The following UBE2D2 variants were observed in gnomAD, a reference collection of about 807,000 sequenced individuals.
The protein encoded by UBE2D2 is ubiquitin-conjugating enzyme E2 D2.
UBE2D2 carries 2 observed loss-of-function variants against 24.2 expected under a neutral mutation model. That is an observed-to-expected ratio of 0.08 (90% CI 0.03 to 0.26). The LOEUF is 0.26. Ranked by LOEUF, UBE2D2 falls within the 10% of genes least tolerant of loss-of-function variation. UBE2D2 has a pLI of 1.00. For missense variants in UBE2D2, 44 were observed against 177.6 expected, an observed-to-expected ratio of 0.25 and a Z score of 4.28; for synonymous variants, 58 against 56.5, an observed-to-expected ratio of 1.03 and a Z score of -0.12.
At chr5:139,617,755 GCC>G (rs1754445531) in intron 5 of UBE2D2, among the ~76,000 whole-genome samples, 1 of 151,918 alleles carries the variant, frequency 6.6e-6, no homozygotes, top group Non-Finnish European at 1.5e-5. Flanking sequence ...AGACACATTG[GCC>G]CCTGTATTCC....
chr5:139,549,262 G>A (rs1281583167), intron 1 of UBE2D2, among the ~76,000 whole-genome samples: 1 of 152,182 alleles, frequency 6.6e-6, no homozygotes, highest in South Asian at 2.1e-4. Flanking sequence ...GAGCCCTTCA[G>A]CCCGCCGCTG....
chr5:139,622,495 C>T (rs568845058), intron 5 of UBE2D2, among the ~76,000 whole-genome samples: 69 of 150,840 alleles, frequency 4.6e-4, no homozygotes, highest in African/African-American at 1.6e-3. Context: ...CACCCCCCTC[C>T]GCCTCCCAAA....
chr5:139,576,826 C>G (rs1411737913), intron 1 of UBE2D2, among the ~76,000 whole-genome samples: 1 of 151,758 alleles, frequency 6.6e-6, no homozygotes, highest in Non-Finnish European at 1.5e-5. Context: ...TGTTAATAGT[C>G]TCTCATGTCT....
At position 139,566,396 on chromosome 5, in the gene UBE2D2, ATGCACAG is replaced by A. The variant is rs764926927; in HGVS notation, c.24+4584_24+4590del. Among the ~76,000 whole-genome samples, 828 of 150,530 alleles carry A rather than the reference ATGCACAG, an allele frequency of 5.5e-3. 9 individuals carry two copies. The highest frequency in any genetic ancestry group is 3.7e-3 in the Non-Finnish European group (250 of 67,712). On this transcript the variant is annotated intron_variant, in intron 1 of 6. Transcript: ENST00000398733. The stretch of plus-strand genomic sequence containing the variant: ...GATTTCAGGTCATGCACAGTGGGTC[ATGCACAG>A]TGGGTCACGCCTGTAATCCCAGCAC...
At chr5:139,551,947 C>T (rs1280219692) in intron 1 of UBE2D2, among the ~76,000 whole-genome samples, 1 of 152,136 alleles carries the variant, frequency 6.6e-6, no homozygotes. Context: ...CAGATCCCAA[C>T]AATAGAATAA....
chr5:139,558,178 C>T (rs778656885), upstream of UBE2D2, among the ~76,000 whole-genome samples: 3 of 152,006 alleles, frequency 2.0e-5, no homozygotes, highest in Non-Finnish European at 4.4e-5. Context: ...ACAAATGTTC[C>T]CCAAAATGTG....
intron 1 of UBE2D2, among the ~76,000 whole-genome samples, chr5:139,548,087 C>A (rs1752855898): frequency 1.4e-5 from 2 of 146,090 alleles, no homozygotes; most frequent in African/African-American, 2.5e-5. Context: ...TGGTTTGAGC[C>A]CAGGAGATCA....
chr5:139,533,064 C>T (rs1049692351), intron 1 of UBE2D2, among the ~76,000 whole-genome samples: 8 of 150,430 alleles, frequency 5.3e-5, no homozygotes, highest in African/African-American at 1.2e-4. Context: ...GCTGAGATCG[C>T]GCCACTGGAC....
intron 1 of UBE2D2, among the ~76,000 whole-genome samples, chr5:139,583,613 T>C (rs1026526160): frequency 2.0e-5 from 3 of 151,898 alleles, no homozygotes; most frequent in Non-Finnish European, 2.9e-5. Flanking sequence ...AATACAAAAA[T>C]TAGCTGGGCG....
upstream of UBE2D2, among the ~76,000 whole-genome samples, chr5:139,557,545 C>T (rs555164370): frequency 7.1e-4 from 108 of 152,120 alleles, no homozygotes; most frequent in African/African-American, 2.5e-3. Context: ...GTCTGGAGTT[C>T]GAGACCAGCC....
chr5:139,561,302 G>A (rs1242489416), upstream of UBE2D2: 2 of 151,960 alleles, frequency 1.3e-5, no homozygotes, highest in Non-Finnish European at 2.9e-5. Context: ...CGCGCCTCCC[G>A]ACCTGCCCCT....
Position 139,561,429 on chromosome 5 carries a change from G to T in UBE2D2, c.-363G>T. On this transcript the variant is annotated 5_prime_UTR_variant, in exon 1 of 7. Coordinates refer to ENST00000398733, the MANE Select transcript of UBE2D2 (RefSeq NM_003339.3). ...AGACAGGCAATCCCTCCGGCTGTCCGACCAAGAGAGGCCGGCCGAGCCCGA... is the reference window on the plus strand; with the variant it reads ...AGACAGGCAATCCCTCCGGCTGTCCTACCAAGAGAGGCCGGCCGAGCCCGA... 8.4e-6 allele frequency: 2 copies of T among 239,164 alleles called. No individual in the cohort carries two copies. Among genetic ancestry groups the T allele is most frequent in the South Asian group, 2.7e-4 (2 of 7,360 alleles). The allele number at this position is 239,164 out of a possible 1,614,324, so 14.8% of individuals were successfully genotyped here.
chr5:139,626,905 A>G lies in UBE2D2; in HGVS notation c.*104A>G, dbSNP rs867329104. 1.4e-5 allele frequency: 13 copies of G among 915,338 alleles called. No individual in the cohort carries two copies. In the South Asian group the frequency reaches 1.6e-4, roughly 11 times the overall value. The allele number at this position is 915,338 out of a possible 1,614,324, so 56.7% of individuals were successfully genotyped here. On this transcript the variant is annotated 3_prime_UTR_variant, in exon 7 of 7. Coordinates refer to ENST00000398733, the MANE Select transcript of UBE2D2 (RefSeq NM_003339.3). Reference sequence around the variant, plus strand: ...ACTGCTTTCTATGAGCCCACGCCTCATCTTCCCCTGTGCACATGTTTACCT... The same window carrying G: ...ACTGCTTTCTATGAGCCCACGCCTCGTCTTCCCCTGTGCACATGTTTACCT...
At chr5:139,603,266 A>C (rs1043154106) in intron 2 of UBE2D2, among the ~76,000 whole-genome samples, 6 of 152,200 alleles carry the variant, frequency 3.9e-5, no homozygotes, top group African/African-American at 1.2e-4. Flanking sequence ...ATGCTAAAGT[A>C]ATTTGTCTTT....
chr5:139,575,344 A>G (rs1477774118), intron 1 of UBE2D2, among the ~76,000 whole-genome samples: 2 of 152,204 alleles, frequency 1.3e-5, no homozygotes, highest in African/African-American at 2.4e-5. Flanking sequence ...TAACATGCCA[A>G]TAATGTTGAC....
chr5:139,623,513 G>A (rs778076179), intron 6 of UBE2D2, 52 bp downstream of exon 6: 67 of 1,468,084 alleles, frequency 4.6e-5, no homozygotes, highest in Non-Finnish European at 6.2e-5. Context: ...GGAGATGTTT[G>A]TCACAAATCT....
chr5:139,622,644 C>G (rs1428670818), intron 5 of UBE2D2, among the ~76,000 whole-genome samples: 1 of 151,426 alleles, frequency 6.6e-6, no homozygotes, highest in African/African-American at 2.4e-5. Flanking sequence ...AATCCCAGCA[C>G]TTTGGGAGGC....
chr5:139,541,967 G>A (rs1206727426), intron 1 of UBE2D2, among the ~76,000 whole-genome samples: 6 of 151,778 alleles, frequency 4.0e-5, no homozygotes, highest in African/African-American at 1.5e-4. Context: ...TGGGCAGATC[G>A]CCTGAGGTCA....
In UBE2D2 at chr5:139,561,735, C is replaced by G. The variant is rs964096535; in HGVS notation, c.-57C>G. Reference sequence around the variant, plus strand: ...GGCCTCAGGCTCCCTAGCCCCTTCCCCGTCCCTTCCCCGCCCCCGTCCCCG... The same window carrying G: ...GGCCTCAGGCTCCCTAGCCCCTTCCGCGTCCCTTCCCCGCCCCCGTCCCCG... On this transcript the variant is annotated 5_prime_UTR_variant, in exon 1 of 7. Coordinates refer to ENST00000398733, the MANE Select transcript of UBE2D2 (RefSeq NM_003339.3). The G allele has an allele frequency of 2.9e-6, 4 of 1,369,462 alleles. No homozygotes were observed. The highest frequency in any genetic ancestry group is 2.9e-5 in the Admixed American group (1 of 34,878). The allele number at this position is 1,369,462 out of a possible 1,614,324, so 84.8% of individuals were successfully genotyped here. A position where few individuals can be genotyped will look rare whatever the true frequency, so the allele number is the denominator to read the frequency against.
Sources: gnomAD v4.1 joint callset for allele counts (sites outside exome capture counted in the v4.1 genomes callset) on GRCh38, gnomAD v4.1.1 for gene constraint, MANE v1.5 for transcripts, NCBI Gene and HGNC (gene_info 2026-07-23, HGNC 2026-07-21) for gene names.